Variants in DGKG observed in about 807,000 individuals in gnomAD.
DGKG encodes the protein DAG kinase gamma.
A neutral mutation model predicts 105.3 loss-of-function variants in DGKG; 78 were observed. That is an observed-to-expected ratio of 0.74 (90% CI 0.62 to 0.89). The LOEUF (loss-of-function observed/expected upper bound fraction) is 0.89, where lower values mean the gene tolerates loss of function less well. Among genes scored for constraint, DGKG ranks in the 40% least tolerant of loss-of-function variants. DGKG has a pLI of 0.00. For missense variants in DGKG, 958 were observed against 1,020.1 expected, an observed-to-expected ratio of 0.94 and a Z score of 0.83; for synonymous variants, 346 against 367.1, an observed-to-expected ratio of 0.94 and a Z score of 0.66.
chr3:186,194,108 T>C (rs1718050704), intron 21 of DGKG, among the ~76,000 whole-genome samples: 1 of 152,200 alleles, frequency 6.6e-6, no homozygotes, highest in South Asian at 2.1e-4. Flanking sequence ...TTCAACTGTG[T>C]CCCCCTTGGG....
chr3:186,253,552 G>T (rs1246508235), intron 17 of DGKG, among the ~76,000 whole-genome samples: 1 of 152,112 alleles, frequency 6.6e-6, no homozygotes, highest in Non-Finnish European at 1.5e-5. Flanking sequence ...TTATTCCTCA[G>T]CCTAACTTTG....
rs183036583 is a variant in DGKG, at chr3:186,149,720, G to A, written c.*370C>T. 22 of 1,016,994 alleles carry A rather than the reference G, an allele frequency of 2.2e-5. No homozygotes were observed. In the Admixed American group the frequency reaches 6.1e-4, roughly 28 times the overall value. 63.0% of individuals were successfully genotyped at this position (1,016,994 alleles called of 1,614,324 possible). A position where few individuals can be genotyped will look rare whatever the true frequency, so the allele number is the denominator to read the frequency against. Reference sequence around the variant, plus strand: ...AGGAAACCTGCAGCCTGCTCCTCGCGAGCGTCCATGAGGAAACTTGCAGGG... The same window carrying A: ...AGGAAACCTGCAGCCTGCTCCTCGCAAGCGTCCATGAGGAAACTTGCAGGG... On this transcript the variant is annotated 3_prime_UTR_variant, in exon 25 of 25. Transcript: ENST00000265022.
intron 1 of DGKG, among the ~76,000 whole-genome samples, chr3:186,354,545 G>T (rs1376995483): frequency 6.6e-6 from 1 of 152,174 alleles, no homozygotes; most frequent in African/African-American, 2.4e-5. Context: ...CTGCTGTCTG[G>T]CCATTGAGTT....
intron 19 of DGKG, among the ~76,000 whole-genome samples, chr3:186,247,948 C>T (rs1302481612): frequency 6.6e-6 from 1 of 152,130 alleles, no homozygotes; most frequent in African/African-American, 2.4e-5. Context: ...AATTAATTAG[C>T]CAGCCAGCAG....
intron 2 of DGKG, among the ~76,000 whole-genome samples, chr3:186,318,587 G>A (rs569393532): frequency 1.4e-3 from 212 of 152,288 alleles, no homozygotes; most frequent in African/African-American, 4.7e-3. Context: ...CGAATGGGGG[G>A]ATCCAGGCCA....
intron 24 of DGKG, chr3:186,158,239 T>C: frequency 1.4e-6 from 1 of 707,502 alleles, no homozygotes; most frequent in Non-Finnish European, 1.7e-6. Context: ...ATTGCTCTTC[T>C]AATTTTAGTA....
chr3:186,306,257 G>T (rs1164092030), intron 3 of DGKG, among the ~76,000 whole-genome samples: 5 of 152,168 alleles, frequency 3.3e-5, no homozygotes, highest in African/African-American at 9.7e-5. Context: ...AAATGAGGTG[G>T]TACCTAGAGG....
chr3:186,215,814 G>A (rs1236253791), intron 20 of DGKG, among the ~76,000 whole-genome samples: 2 of 152,120 alleles, frequency 1.3e-5, no homozygotes, highest in African/African-American at 4.8e-5. Context: ...ACAGGATATT[G>A]ATTTCCCAGT....
At chr3:186,336,922 A>G (rs1321962280) in intron 1 of DGKG, among the ~76,000 whole-genome samples, 1 of 152,210 alleles carries the variant, frequency 6.6e-6, no homozygotes, top group Non-Finnish European at 1.5e-5. Context: ...GCAAAAGTAT[A>G]AGTGATCAAA....
chr3:186,147,726 A>C lies in DGKG; in HGVS notation c.*2364T>G, dbSNP rs1221912466. On this transcript the variant is annotated 3_prime_UTR_variant, in exon 25 of 25. Coordinates refer to ENST00000265022, the MANE Select transcript of DGKG (RefSeq NM_001346.3). ...TCACCTGTTGATAGTGCCATGTCTC[A>C]ATAGCCTCAATCTTGGGGATCATGG... The C allele has an allele frequency of 1.0e-6, 1 of 985,290 alleles. No individual in the cohort carries two copies. Among genetic ancestry groups the C allele is most frequent in the East Asian group, 1.1e-4 (1 of 8,830 alleles). The allele number at this position is 985,290 out of a possible 1,614,324, so 61.0% of individuals were successfully genotyped here.
intron 10 of DGKG, 40 bp from the exon 11 acceptor site, chr3:186,272,383 C>T: frequency 6.7e-7 from 1 of 1,491,054 alleles, no homozygotes; most frequent in Admixed American, 1.7e-5. Flanking sequence ...TTGTGAATAG[C>T]CACGTAGGAA....
At chr3:186,156,483 T>C (rs1426104756) in intron 24 of DGKG, among the ~76,000 whole-genome samples, 1 of 152,174 alleles carries the variant, frequency 6.6e-6, no homozygotes, top group Admixed American at 6.5e-5. Context: ...ATCATGCCAA[T>C]AGCATGTTAT....
At chr3:186,302,907 C>T (rs558165692) in intron 3 of DGKG, among the ~76,000 whole-genome samples, 10 of 152,154 alleles carry the variant, frequency 6.6e-5, no homozygotes, top group Admixed American at 5.9e-4. Context: ...CAGAATAAAC[C>T]CAGAAGCACA....
chr3:186,301,044 C>T lies in DGKG; in HGVS notation c.145-2815G>A, dbSNP rs539581756. On this transcript the variant is annotated intron_variant, in intron 3 of 24. Coordinates refer to ENST00000265022, the MANE Select transcript of DGKG (RefSeq NM_001346.3). The stretch of plus-strand genomic sequence containing the variant: ...TATGCTCCCAACATTACAGGCTGAG[C>T]TTTGAACTGTCAGTTGGCTGAGACT... 2.0e-5 allele frequency among the ~76,000 whole-genome samples: 3 copies of T among 152,338 alleles called. No homozygotes were observed. The South Asian group carries it at 6.2e-4, about 32-fold the overall frequency.
At chr3:186,248,563 C>T (rs1365966636) in intron 19 of DGKG, among the ~76,000 whole-genome samples, 1 of 152,190 alleles carries the variant, frequency 6.6e-6, no homozygotes, top group African/African-American at 2.4e-5. Flanking sequence ...ATGCCAGTTC[C>T]CAGACCTTAC....
rs1048590857 is a variant in DGKG at position 186,355,699 on chromosome 3, T to G, written c.-249+6247A>C. On this transcript the variant is annotated intron_variant, in intron 1 of 24. Transcript: ENST00000265022. ...TACCATCATTACCCCATTATCACCA[T>G]CACCAGCACCAGCACCAGCACCAGC... is the stretch of plus-strand genomic sequence containing the variant. Among the ~76,000 whole-genome samples, 10 of 147,658 alleles carry G rather than the reference T, an allele frequency of 6.8e-5. No homozygotes were observed. In the East Asian group the frequency reaches 1.4e-3, roughly 21 times the overall value.
chr3:186,222,747 G>T (rs1719649075), intron 20 of DGKG, among the ~76,000 whole-genome samples: 1 of 151,874 alleles, frequency 6.6e-6, no homozygotes, highest in Non-Finnish European at 1.5e-5. Flanking sequence ...GGGAGGCTGA[G>T]GCGGGCGGAT....
At chr3:186,282,870 G>A (rs549728889) in intron 7 of DGKG, among the ~76,000 whole-genome samples, 9 of 151,678 alleles carry the variant, frequency 5.9e-5, no homozygotes, top group East Asian at 1.9e-4. Context: ...GCTCAAGATC[G>A]TCAATGGTTC....
At chr3:186,184,154 G>A (rs1487724036) in intron 22 of DGKG, among the ~76,000 whole-genome samples, 1 of 151,014 alleles carries the variant, frequency 6.6e-6, no homozygotes, top group Non-Finnish European at 1.5e-5. Context: ...ATTATACTAT[G>A]TTCCAGGCAC....
Sources: allele counts gnomAD v4.1 joint callset (sites outside exome capture counted in the v4.1 genomes callset), GRCh38; gene constraint gnomAD v4.1.1; transcripts MANE v1.5; gene names NCBI Gene and HGNC (gene_info 2026-07-23, HGNC 2026-07-21).